The following ABCA13 variants were observed in gnomAD, a reference collection of about 807,000 sequenced individuals.
ABCA13 encodes ATP-binding cassette sub-family A member 13.
A neutral mutation model predicts 478.7 loss-of-function variants in ABCA13; 476 were observed. The observed-to-expected ratio is 0.99, with a 90% confidence interval of 0.92 to 1.07. The LOEUF (loss-of-function observed/expected upper bound fraction) is 1.07. ABCA13 is among the 50% of genes least tolerant of loss of function. The pLI, the probability that ABCA13 is intolerant of heterozygous loss-of-function variation, is 0.00. For synonymous variants in ABCA13, 2,252 were observed against 2,158.9 expected (o/e 1.04, Z -1.20); for missense variants, 6,060 against 5,910.6 (o/e 1.03, Z -0.83).
intron 32 of ABCA13, among the ~76,000 whole-genome samples, chr7:48,368,609 C>G (rs1812073868): frequency 6.7e-6 from 1 of 150,314 alleles, no homozygotes; most frequent in Non-Finnish European, 1.5e-5. Context: ...TCTCTAATTC[C>G]ATCCAGGTTG....
At chr7:48,286,738 C>G (rs377228719) in intron 19 of ABCA13, among the ~76,000 whole-genome samples, 3 of 152,088 alleles carry the variant, frequency 2.0e-5, no homozygotes, top group African/African-American at 7.2e-5. Flanking sequence ...CTCCTGACCT[C>G]GTGATCTGCC....
intron 5 of ABCA13, among the ~76,000 whole-genome samples, chr7:48,225,109 G>GTGCGTGCCTGCC (rs1231133241): frequency 1.7e-4 from 19 of 113,706 alleles, no homozygotes; most frequent in African/African-American, 6.8e-4. Context: ...CCATGCGTGC[G>GTGCGTGCCTGCC]TGCCTGCCTG....
At chr7:48,182,825 T>A (rs543277898) in intron 1 of ABCA13, among the ~76,000 whole-genome samples, 3 of 152,240 alleles carry the variant, frequency 2.0e-5, no homozygotes, top group Non-Finnish European at 2.9e-5. Flanking sequence ...GCAGATCAAC[T>A]GTAACTATAG....
At chr7:48,454,873 T>C (rs374944631) in intron 42 of ABCA13, among the ~76,000 whole-genome samples, 164 bp from the exon 43 acceptor site, 1 of 151,928 alleles carries the variant, frequency 6.6e-6, no homozygotes, top group South Asian at 2.1e-4. Context: ...CTTCCGCACT[T>C]TAGGTGCATA....
rs553456385 is a variant in ABCA13 at position 48,234,750 on chromosome 7, G to A, written c.897+599G>A. Among the ~76,000 whole-genome samples the A allele has an allele frequency of 4.6e-5, 7 of 152,246 alleles. No individual in the cohort carries two copies. The South Asian group carries it at 1.5e-3, about 32-fold the overall frequency. Reference sequence around the variant, plus strand: ...TTTTGTCACTCCAGCCCATTTGTAGGCACTTCTGCTTTGCATGGTGCAGGT... The same window carrying A: ...TTTTGTCACTCCAGCCCATTTGTAGACACTTCTGCTTTGCATGGTGCAGGT... On this transcript the variant is annotated intron_variant, in intron 8 of 61. Coordinates refer to ENST00000435803, the MANE Select transcript of ABCA13 (RefSeq NM_152701.5).
At chr7:48,313,450 T>G (rs916065665) in intron 25 of ABCA13, among the ~76,000 whole-genome samples, 3 of 152,218 alleles carry the variant, frequency 2.0e-5, no homozygotes, top group Non-Finnish European at 4.4e-5. Context: ...TTGATCTACA[T>G]TCCACCAGTG....
chr7:48,351,822 G>A (rs1365297451), intron 30 of ABCA13, among the ~76,000 whole-genome samples: 1 of 152,170 alleles, frequency 6.6e-6, no homozygotes, highest in Non-Finnish European at 1.5e-5. Flanking sequence ...TGAATGATAA[G>A]TAACCCCAAA....
intron 58 of ABCA13, among the ~76,000 whole-genome samples, chr7:48,608,532 C>T (rs1411207144): frequency 6.6e-6 from 1 of 152,178 alleles, no homozygotes; most frequent in African/African-American, 2.4e-5. Context: ...AGGCCAGATA[C>T]TGGAGGAATT....
chr7:48,274,480 C>T lies in ABCA13; in HGVS notation c.4814C>T (p.Ala1605Val), dbSNP rs1166250395. 7 of 1,613,686 alleles carry T rather than the reference C, an allele frequency of 4.3e-6. No individual in the cohort carries two copies. The highest frequency in any genetic ancestry group is 1.3e-5 in the African/African-American group (1 of 74,898). Residue 1605 changes from alanine (A) to valine (V), a missense_variant, in exon 17 of 62, where the codon GCC becomes GTC. Physicochemically the swap from Ala to Val is moderately conservative, Grantham distance 64. This residue lies in a region of ABCA13 where 4,423 missense variants were observed against 4,309.1 expected (regional missense o/e 1.03). Transcript: ENST00000435803. ...NSIYHLASYL[A>V]FSLSHDLQNS... ...ATTTATCACTTAGCTAGTTACCTTGCCTTCAGCTTATCTCATGACCTCCAA... is the reference window on the plus strand; with the variant it reads ...ATTTATCACTTAGCTAGTTACCTTGTCTTCAGCTTATCTCATGACCTCCAA...
intron 12 of ABCA13, 111 bp from the exon 13 acceptor site, chr7:48,245,752 T>A: frequency 4.2e-6 from 6 of 1,443,138 alleles, no homozygotes; most frequent in Non-Finnish European, 5.6e-6. Context: ...AACTTTATGT[T>A]GTGTTTAAAA....
chr7:48,293,866 A>C (rs1798937880), intron 20 of ABCA13, among the ~76,000 whole-genome samples: 1 of 152,166 alleles, frequency 6.6e-6, no homozygotes, highest in Non-Finnish European at 1.5e-5. Flanking sequence ...GTGGGGACCT[A>C]CTTCTGGAGT....
In ABCA13 at chr7:48,412,522, A is replaced by AT; in HGVS notation, c.12399dup (p.Glu4134Ter). The AT allele has an allele frequency of 6.2e-7, 1 of 1,613,430 alleles. No homozygotes were observed. The highest frequency in any genetic ancestry group is 1.1e-5 in the South Asian group (1 of 91,038). On this transcript the variant is annotated frameshift_variant, in exon 41 of 62. Transcript: ENST00000435803. LOFTEE classifies it high-confidence loss of function. ...TTGAAAGGGCTCTTCCAGGCCCTGGATGAGAACCTGCATCAGCTGCACCTG... is the reference window on the plus strand; with the variant it reads ...TTGAAAGGGCTCTTCCAGGCCCTGGATTGAGAACCTGCATCAGCTGCACCTG...
chr7:48,173,297 C>T (rs1794399759), intron 1 of ABCA13, among the ~76,000 whole-genome samples: 1 of 152,174 alleles, frequency 6.6e-6, no homozygotes, highest in Non-Finnish European at 1.5e-5. Flanking sequence ...CTGGATCCTA[C>T]ATTAGTATGT....
intron 47 of ABCA13, among the ~76,000 whole-genome samples, chr7:48,485,509 T>C (rs1036912753): frequency 4.6e-5 from 7 of 152,150 alleles, no homozygotes; most frequent in Admixed American, 1.3e-4. Flanking sequence ...AAGTCCTGAA[T>C]GGTAACTTTA....
chr7:48,221,230 G>A lies in ABCA13; in HGVS notation c.440-51G>A, dbSNP rs148074058. On this transcript the variant is annotated intron_variant, in intron 4 of 61. Transcript: ENST00000435803. ...AATTAAAAGTAGGCATTTAGCATGT[G>A]CTTTTTCATTGATGATTGAACTAAT... 6.9e-4 allele frequency: 652 copies of A among 950,616 alleles called. 6 individuals are homozygous for A. The East Asian group carries it at 0.017, about 25-fold the overall frequency. The allele number at this position is 950,616 out of a possible 1,614,324, so 58.9% of individuals were successfully genotyped here. A position where few individuals can be genotyped will look rare whatever the true frequency, so the allele number is the denominator to read the frequency against.
chr7:48,387,214 A>G (rs1055670904), intron 35 of ABCA13, among the ~76,000 whole-genome samples: 1 of 152,138 alleles, frequency 6.6e-6, no homozygotes, highest in Non-Finnish European at 1.5e-5. Context: ...TGGATGTGTT[A>G]AAAGAAAATT....
At chr7:48,186,211 T>C (rs1054867771) in intron 1 of ABCA13, among the ~76,000 whole-genome samples, 2 of 152,080 alleles carry the variant, frequency 1.3e-5, no homozygotes, top group African/African-American at 4.8e-5. Flanking sequence ...AATTAAAGCA[T>C]ACTATTTGAA....
In ABCA13 at chr7:48,204,202, T is replaced by A. The variant is rs1452030732; in HGVS notation, c.287+5842T>A. On this transcript the variant is annotated intron_variant, in intron 3 of 61. Transcript: ENST00000435803. ...ATCTCGGCTCACCCCAACCTCCGCC[T>A]CCTAGACTTATAATTTTTTTTTTTT... Among the ~76,000 whole-genome samples, 14 of 149,182 alleles carry A rather than the reference T, an allele frequency of 9.4e-5. No homozygotes were observed. In the Admixed American group the frequency reaches 9.4e-4, roughly 10 times the overall value.
chr7:48,643,178 ATTTGG>A, intron 59 of ABCA13, 105 bp from the exon 60 acceptor site: 1 of 674,094 alleles, frequency 1.5e-6, no homozygotes, highest in Non-Finnish European at 2.6e-6. Flanking sequence ...ACTCCCAACA[ATTTGG>A]AGTAATTACT....
Sources: gnomAD v4.1 joint callset for allele counts (sites outside exome capture counted in the v4.1 genomes callset) on GRCh38, gnomAD v4.1.1 for gene constraint, gnomAD v4.1.1 regional missense constraint, MANE v1.5 for transcripts, NCBI Gene and HGNC (gene_info 2026-07-23, HGNC 2026-07-21) for gene names.